Variants in BICC1 observed in about 807,000 individuals in gnomAD.
BICC1 encodes the protein BicC family RNA binding protein 1.
A neutral mutation model predicts 111.0 loss-of-function variants in BICC1; 43 were observed. The ratio of observed to expected loss-of-function variants is 0.39; its 90% CI spans 0.30 to 0.50. BICC1 has a LOEUF of 0.50. Among genes scored for constraint, BICC1 ranks in the 20% least tolerant of loss-of-function variants. The probability of loss-of-function intolerance (pLI) is 0.88; values close to 1 mark genes in which losing one functional copy is unlikely to be tolerated. For synonymous variants in BICC1, 467 were observed against 434.4 expected, an observed-to-expected ratio of 1.07 and a Z score of -0.93; for missense variants, 1,091 against 1,203.2, an observed-to-expected ratio of 0.91 and a Z score of 1.38.
chr10:58,808,254 C>G (rs563931466), intron 17 of BICC1, among the ~76,000 whole-genome samples: 2 of 152,232 alleles, frequency 1.3e-5, no homozygotes, highest in African/African-American at 2.4e-5. Flanking sequence ...TGTTGAGGCT[C>G]TAGGAGGTAC....
At chr10:58,528,013 G>A (rs1302472430) in intron 1 of BICC1, among the ~76,000 whole-genome samples, 1 of 151,914 alleles carries the variant, frequency 6.6e-6, no homozygotes, top group Non-Finnish European at 1.5e-5. Context: ...TAAATAGTTG[G>A]TATTTTTCAA....
chr10:58,678,314 A>G (rs1015770689), intron 2 of BICC1, among the ~76,000 whole-genome samples: 7 of 152,194 alleles, frequency 4.6e-5, no homozygotes, highest in East Asian at 1.9e-4. Flanking sequence ...CTCACGTGCA[A>G]AGACACACAT....
At chr10:58,806,525 A>T in intron 15 of BICC1, 59 bp from the exon 16 acceptor site, 1 of 1,443,254 alleles carries the variant, frequency 6.9e-7, no homozygotes, top group Non-Finnish European at 9.8e-7. Context: ...CTAACCATGG[A>T]GTGTTGGCAT....
intron 1 of BICC1, among the ~76,000 whole-genome samples, chr10:58,552,125 A>G (rs1282036164): frequency 1.3e-5 from 2 of 151,498 alleles, no homozygotes; most frequent in Non-Finnish European, 3.0e-5. Flanking sequence ...AAACCAGTCT[A>G]CTGGGTCTGG....
At chr10:58,788,269 T>C in intron 5 of BICC1, 101 bp from the exon 6 acceptor site, 1 of 841,410 alleles carries the variant, frequency 1.2e-6, no homozygotes, top group Non-Finnish European at 1.9e-6. Context: ...TCTGTATTTG[T>C]CCCTGGATGA....
chr10:58,712,853 C>G (rs1840619967), intron 3 of BICC1, among the ~76,000 whole-genome samples: 1 of 152,110 alleles, frequency 6.6e-6, no homozygotes, highest in Non-Finnish European at 1.5e-5. Context: ...CCCGGGGAGG[C>G]TGTGCCTGCG....
At chr10:58,611,732 C>T (rs2132108546) in intron 1 of BICC1, among the ~76,000 whole-genome samples, 1 of 152,086 alleles carries the variant, frequency 6.6e-6, no homozygotes, top group South Asian at 2.1e-4. Context: ...TCAGGTGATC[C>T]TCCCACCTCG....
At chr10:58,734,077 C>T (rs1215566789) in intron 3 of BICC1, among the ~76,000 whole-genome samples, 4 of 152,164 alleles carry the variant, frequency 2.6e-5, no homozygotes, top group African/African-American at 7.2e-5. Context: ...TGTCACTAAC[C>T]TGCACAGGGA....
At chr10:58,803,545 G>A (rs546380676) in intron 15 of BICC1, among the ~76,000 whole-genome samples, 5 of 152,022 alleles carry the variant, frequency 3.3e-5, no homozygotes, top group African/African-American at 9.7e-5. Context: ...ATGAGTTTGC[G>A]GGACTGCATT....
intron 11 of BICC1, 114 bp downstream of exon 11, chr10:58,798,674 A>G: frequency 7.3e-6 from 7 of 958,542 alleles, no homozygotes; most frequent in Non-Finnish European, 8.9e-6. Context: ...TTCAAAGCAT[A>G]CTCCATTGAA....
intron 3 of BICC1, among the ~76,000 whole-genome samples, chr10:58,757,665 C>T (rs911855561): frequency 1.3e-5 from 2 of 152,090 alleles, no homozygotes; most frequent in South Asian, 2.1e-4. Context: ...TTCACAAGAG[C>T]CAGGACCCCC....
intron 1 of BICC1, among the ~76,000 whole-genome samples, chr10:58,576,729 A>G (rs1412447252): frequency 1.3e-5 from 2 of 152,306 alleles, no homozygotes; most frequent in African/African-American, 4.8e-5. Flanking sequence ...ACTGTTACAA[A>G]AAAACCGCAC....
chr10:58,804,315 A>G (rs1843645984), intron 15 of BICC1, among the ~76,000 whole-genome samples: 2 of 152,226 alleles, frequency 1.3e-5, no homozygotes, highest in African/African-American at 2.4e-5. Context: ...CTGGAGTTTG[A>G]GACCAGCCTG....
chr10:58,532,620 G>C (rs1564474481), intron 1 of BICC1, among the ~76,000 whole-genome samples: 1 of 151,758 alleles, frequency 6.6e-6, no homozygotes, highest in Non-Finnish European at 1.5e-5. Context: ...ATCAATTTAT[G>C]AGAAAAAAAT....
rs573521960 is a variant in BICC1 at position 58,657,793 on chromosome 10, A to G, written c.237+36892A>G. Reference sequence around the variant, plus strand: ...TCTAGAAACTTATTCCAATTGATATATAAAGATCACTCATATTTTTTTTTC... The same window carrying G: ...TCTAGAAACTTATTCCAATTGATATGTAAAGATCACTCATATTTTTTTTTC... On this transcript the variant is annotated intron_variant, in intron 2 of 20. Coordinates refer to ENST00000373886, the MANE Select transcript of BICC1 (RefSeq NM_001080512.3). Among the ~76,000 whole-genome samples, 88 of 91,082 alleles carry G rather than the reference A, an allele frequency of 9.7e-4. 1 individual carries two copies. Among genetic ancestry groups the G allele is most frequent in the African/African-American group, 3.7e-3 (86 of 23,548 alleles). 59.8% of individuals were successfully genotyped at this position (91,082 alleles called of 152,430 possible).
intron 1 of BICC1, among the ~76,000 whole-genome samples, chr10:58,599,364 G>A (rs913640224): frequency 1.6e-4 from 24 of 152,110 alleles, no homozygotes; most frequent in African/African-American, 5.8e-4. Flanking sequence ...CGTGGATGAA[G>A]CTGGAAACCA....
intron 20 of BICC1, chr10:58,824,234 G>A (rs1303040217): frequency 3.3e-6 from 1 of 307,538 alleles, no homozygotes; most frequent in Non-Finnish European, 4.8e-6. Flanking sequence ...CTGTCACTTA[G>A]TACCTGTGTG....
intron 8 of BICC1, among the ~76,000 whole-genome samples, chr10:58,791,958 A>AT (rs1843192553): frequency 6.6e-6 from 1 of 151,958 alleles, no homozygotes; most frequent in Non-Finnish European, 1.5e-5. Flanking sequence ...TGCCTGGCTA[A>AT]TTTTTTTAGT....
chr10:58,806,529 T>C (rs919577048), intron 15 of BICC1, 55 bp from the exon 16 acceptor site: 3 of 1,494,848 alleles, frequency 2.0e-6, no homozygotes, highest in African/African-American at 2.8e-5. Flanking sequence ...CCATGGAGTG[T>C]TGGCATGACA....
Sources: gnomAD v4.1 joint callset for allele counts (sites outside exome capture counted in the v4.1 genomes callset) on GRCh38, gnomAD v4.1.1 for gene constraint, MANE v1.5 for transcripts, NCBI Gene and HGNC (gene_info 2026-07-23, HGNC 2026-07-21) for gene names.